Variants in UNC13A observed in about 807,000 individuals in gnomAD.
UNC13A encodes protein unc-13 homolog A.
Under a neutral mutation model 219.7 loss-of-function variants are expected in UNC13A, and 61 were observed. The observed-to-expected ratio is 0.28, with a 90% CI of 0.23 to 0.34. The LOEUF (loss-of-function observed/expected upper bound fraction) is 0.34, where lower values mean the gene tolerates loss of function less well. Among genes scored for constraint, UNC13A ranks in the 10% least tolerant of loss-of-function variants. The pLI, the probability that UNC13A is intolerant of heterozygous loss-of-function variation, is 1.00. For missense variants in UNC13A, 1,476 were observed against 2,270.3 expected (o/e 0.65, Z 7.11); for synonymous variants, 920 against 884.6 (o/e 1.04, Z -0.71).
Position 17,602,855 on chromosome 19 carries a change from T to C in UNC13A, c.*3199A>G, listed in dbSNP as rs2076480221. The C allele has an allele frequency of 6.6e-6, 1 of 152,278 alleles. No homozygotes were observed. The allele number at this position is 152,278 out of a possible 1,614,324, so 9.4% of individuals were successfully genotyped here. A position where few individuals can be genotyped will look rare whatever the true frequency, so the allele number is the denominator to read the frequency against. On this transcript the variant is annotated 3_prime_UTR_variant, in exon 44 of 44. Transcript: ENST00000519716. ...CCCCAATACATAATTCCACTAGGCG[T>C]AGACTCCCTGTCACCCACTTGTGCC... is the stretch of plus-strand genomic sequence containing the variant.
intron 3 of UNC13A, among the ~76,000 whole-genome samples, chr19:17,673,249 C>G (rs938692140): frequency 6.7e-6 from 1 of 150,330 alleles, no homozygotes; most frequent in Non-Finnish European, 1.5e-5. Context: ...TCCAGCTACT[C>G]GGGAGGCTGA....
At chr19:17,671,386 C>T (rs577807231) in intron 4 of UNC13A, among the ~76,000 whole-genome samples, 2 of 152,192 alleles carry the variant, frequency 1.3e-5, no homozygotes, top group East Asian at 1.9e-4. Flanking sequence ...CAGATCAGAG[C>T]TCCAGCTAAT....
At chr19:17,617,632 A>C in intron 41 of UNC13A, 70 bp downstream of exon 41, 1 of 1,584,294 alleles carries the variant, frequency 6.3e-7, no homozygotes, top group Non-Finnish European at 8.6e-7. Flanking sequence ...AGCCAATGGC[A>C]GCCGTTCAGG....
chr19:17,661,843 A>G (rs2079555918), intron 8 of UNC13A, among the ~76,000 whole-genome samples: 1 of 152,182 alleles, frequency 6.6e-6, no homozygotes. Flanking sequence ...GGAGGTGGGC[A>G]GCGGTTGGGT....
At position 17,674,528 on chromosome 19, in the gene UNC13A, T is replaced by C; in HGVS notation, c.152+129A>G. On this transcript the variant is annotated intron_variant, in intron 3 of 43. Transcript: ENST00000519716. This position sits in a 1 kb window ranked among gnomAD's most constrained non-coding sequence, Gnocchi z 5.0. ...TGTTTTGGAGGTGAAGGTGATAAGG[T>C]GGACAGGGGAAGAGGGAGGACAGAG... 1 of 724,600 alleles carries C rather than the reference T, an allele frequency of 1.4e-6. No homozygotes were observed. The highest frequency in any genetic ancestry group is 2.4e-6 in the Non-Finnish European group (1 of 423,684). The allele number at this position is 724,600 out of a possible 1,614,324, so 44.9% of individuals were successfully genotyped here. A position where few individuals can be genotyped will look rare whatever the true frequency, so the allele number is the denominator to read the frequency against.
Position 17,649,211 on chromosome 19 carries a change from TCA to T in UNC13A, c.1524+126_1524+127del, listed in dbSNP as rs978293443. ...AAGTGAGCAGCCCCGCACCCCTGAC[TCA>T]CAGCATCCAACACAGTGGGACATGG... On this transcript the variant is annotated intron_variant, in intron 14 of 43. Transcript: ENST00000519716. This position sits in a 1 kb window ranked among gnomAD's most constrained non-coding sequence, Gnocchi z 4.4. The T allele has an allele frequency of 9.0e-6, 13 of 1,451,922 alleles. No individual in the cohort carries two copies. In the African/African-American group the frequency reaches 1.4e-4, roughly 16 times the overall value. The allele number at this position is 1,451,922 out of a possible 1,614,324, so 89.9% of individuals were successfully genotyped here.
intron 8 of UNC13A, among the ~76,000 whole-genome samples, chr19:17,660,999 C>T (rs1051485283): frequency 3.3e-5 from 5 of 151,730 alleles, no homozygotes; most frequent in African/African-American, 1.2e-4. Context: ...AGTCTAGTAG[C>T]ACAATCATGG....
At chr19:17,654,429 A>C (rs551118494) in intron 11 of UNC13A, among the ~76,000 whole-genome samples, 1 of 152,274 alleles carries the variant, frequency 6.6e-6, no homozygotes, top group South Asian at 2.1e-4. Flanking sequence ...CTATTTTAAA[A>C]CTGTTAAGAA....
chr19:17,626,807 G>T, intron 33 of UNC13A, 22 bp from the exon 34 acceptor site: 1 of 1,599,302 alleles, frequency 6.3e-7, no homozygotes, highest in Non-Finnish European at 8.5e-7. Flanking sequence ...GAAGGGAAGG[G>T]CTCAGACCAC....
chr19:17,641,373 A>G lies in UNC13A; in HGVS notation c.2636+20T>C. ...TGGTGACCTCCCTCTTGTTTCCTGC[A>G]CCCCAGCCTGCAGTCTCACGTCATG... On this transcript the variant is annotated intron_variant, in intron 21 of 43. Coordinates refer to ENST00000519716, the MANE Select transcript of UNC13A (RefSeq NM_001080421.3). 6.2e-7 allele frequency: 1 copy of G among 1,609,760 alleles called. No individual in the cohort carries two copies. Among genetic ancestry groups the G allele is most frequent in the Non-Finnish European group, 8.5e-7 (1 of 1,177,024 alleles).
intron 11 of UNC13A, among the ~76,000 whole-genome samples, chr19:17,655,025 A>T (rs1302127928): frequency 6.6e-6 from 1 of 151,992 alleles, no homozygotes; most frequent in African/African-American, 2.4e-5. Flanking sequence ...GAAGGGTCAG[A>T]GTGGGTGGGG....
At chr19:17,630,834 T>C in intron 28 of UNC13A, 84 bp from the exon 29 acceptor site, 2 of 1,261,572 alleles carry the variant, frequency 1.6e-6, no homozygotes, top group South Asian at 1.3e-5. Flanking sequence ...CACTAACGAG[T>C]GGAGCTATGG....
chr19:17,633,026 G>A, intron 27 of UNC13A, 82 bp downstream of exon 27: 1 of 1,606,278 alleles, frequency 6.2e-7, no homozygotes. Context: ...GGTATTATAG[G>A]GTGCTCACAG....
At chr19:17,606,400 A>G (rs772720553) in intron 43 of UNC13A, 46 bp from the exon 44 acceptor site, 2 of 1,527,802 alleles carry the variant, frequency 1.3e-6, no homozygotes, top group South Asian at 2.4e-5. Flanking sequence ...ACCTACTGTG[A>G]TGCCCCGCCC....
At chr19:17,642,992 A>G in intron 19 of UNC13A, 32 bp from the exon 20 acceptor site, 1 of 1,566,022 alleles carries the variant, frequency 6.4e-7, no homozygotes, top group Non-Finnish European at 8.7e-7. Context: ...CAGTGTCAGA[A>G]CTTCCCACTA....
chr19:17,633,593 T>C (rs2076879995), intron 26 of UNC13A, among the ~76,000 whole-genome samples: 1 of 151,874 alleles, frequency 6.6e-6, no homozygotes, highest in South Asian at 2.1e-4. Context: ...ATCAATTCAT[T>C]CACCCACTCA....
intron 26 of UNC13A, among the ~76,000 whole-genome samples, 168 bp downstream of exon 26, chr19:17,635,856 G>A (rs1474814479): frequency 6.6e-6 from 1 of 152,134 alleles, no homozygotes; most frequent in African/African-American, 2.4e-5. Flanking sequence ...GTTTATGTTT[G>A]CAAATTGTAC....
At chr19:17,655,097 G>A (rs2079423921) in intron 11 of UNC13A, among the ~76,000 whole-genome samples, 177 bp downstream of exon 11, 1 of 152,228 alleles carries the variant, frequency 6.6e-6, no homozygotes, top group African/African-American at 2.4e-5. Flanking sequence ...GGCTCGAGTG[G>A]CTGGGGCATG....
intron 1 of UNC13A, among the ~76,000 whole-genome samples, chr19:17,687,352 T>C (rs1264667104): frequency 6.6e-6 from 1 of 151,764 alleles, no homozygotes; most frequent in Non-Finnish European, 1.5e-5. Flanking sequence ...GCAAAGTGGG[T>C]GAGGTGAGGA....
Sources: allele counts gnomAD v4.1 joint callset (sites outside exome capture counted in the v4.1 genomes callset), GRCh38; gene constraint gnomAD v4.1.1; non-coding constraint Gnocchi (gnomAD v3.1); transcripts MANE v1.5; gene names NCBI Gene and HGNC (gene_info 2026-07-23, HGNC 2026-07-21).